LRP1B: variants seen among roughly 807,000 people sequenced by gnomAD.
LRP1B encodes LDL receptor related protein 1B.
Under a neutral mutation model 556.6 loss-of-function variants are expected in LRP1B, and 217 were observed. The observed-to-expected ratio is 0.39, with a 90% CI of 0.35 to 0.44. The LOEUF (loss-of-function observed/expected upper bound fraction) is 0.44. LRP1B is among the 20% of genes least tolerant of loss of function. LRP1B has a pLI of 1.00. For synonymous variants in LRP1B, 2,047 were observed against 1,865.8 expected, an observed-to-expected ratio of 1.10 and a Z score of -2.50; for missense variants, 5,053 against 5,620.8, an observed-to-expected ratio of 0.90 and a Z score of 3.23.
chr2:140,809,282 T>A (rs1172011809), intron 32 of LRP1B, among the ~76,000 whole-genome samples: 1 of 152,212 alleles, frequency 6.6e-6, no homozygotes, highest in Non-Finnish European at 1.5e-5. Flanking sequence ...TTGCTAATAA[T>A]TAAAAATTGT....
intron 1 of LRP1B, among the ~76,000 whole-genome samples, chr2:142,043,579 A>G (rs13395874): frequency 0.027 from 4,084 of 151,706 alleles, 77 homozygotes; most frequent in African/African-American, 0.053. Context: ...GGGAAAGTAT[A>G]TATCATCAGT....
intron 74 of LRP1B, 34 bp downstream of exon 74, chr2:140,357,945 T>C (rs1682309593): frequency 6.3e-7 from 1 of 1,592,442 alleles, no homozygotes. Flanking sequence ...GACTTGTGTA[T>C]CCCGGTGCTT....
intron 66 of LRP1B, among the ~76,000 whole-genome samples, chr2:140,400,456 T>C (rs559021358): frequency 6.6e-6 from 1 of 152,332 alleles, no homozygotes; most frequent in African/African-American, 2.4e-5. Context: ...CCTGGTTTAC[T>C]TCCCCACTCC....
chr2:140,900,291 C>G (rs560849020), intron 23 of LRP1B, among the ~76,000 whole-genome samples: 1 of 152,338 alleles, frequency 6.6e-6, no homozygotes, highest in Non-Finnish European at 1.5e-5. Context: ...CCAAAACAAA[C>G]ATCTGGAGCC....
At chr2:141,621,868 C>T (rs1039187101) in intron 2 of LRP1B, among the ~76,000 whole-genome samples, 2 of 151,936 alleles carry the variant, frequency 1.3e-5, no homozygotes, top group African/African-American at 2.4e-5. Context: ...TTATTCATTA[C>T]TATCTCTCTT....
At chr2:141,314,701 G>T (rs1398551723) in intron 3 of LRP1B, among the ~76,000 whole-genome samples, 1 of 146,964 alleles carries the variant, frequency 6.8e-6, no homozygotes, top group African/African-American at 2.5e-5. Flanking sequence ...TGAGGCAGGA[G>T]AATGGCGTGA....
chr2:140,479,251 T>G (rs1030890499), intron 59 of LRP1B, among the ~76,000 whole-genome samples: 4 of 152,138 alleles, frequency 2.6e-5, no homozygotes, highest in Admixed American at 2.0e-4. Context: ...AATAAGACTG[T>G]GCTAAACATA....
At chr2:141,798,705 C>CAAAA (rs151310050) in intron 2 of LRP1B, among the ~76,000 whole-genome samples, 31 of 62,084 alleles carry the variant, frequency 5.0e-4, no homozygotes, top group African/African-American at 1.3e-3. Context: ...GACTCTGTCT[C>CAAAA]AAAAAAAAAA....
At chr2:141,475,806 G>T (rs6725403) in intron 3 of LRP1B, among the ~76,000 whole-genome samples, 10 of 152,000 alleles carry the variant, frequency 6.6e-5, no homozygotes, top group Non-Finnish European at 5.9e-5. Context: ...CGAACTCCAA[G>T]GGAAGATCAT....
intron 2 of LRP1B, among the ~76,000 whole-genome samples, chr2:141,625,601 G>C (rs13007142): frequency 0.091 from 13,828 of 152,150 alleles, 717 homozygotes; most frequent in South Asian, 0.16. Context: ...CCCAGGCATA[G>C]TACGTGATCG....
chr2:141,179,918 T>G (rs1310608665), intron 7 of LRP1B, among the ~76,000 whole-genome samples: 1 of 142,014 alleles, frequency 7.0e-6, no homozygotes, highest in African/African-American at 2.7e-5. Flanking sequence ...TTTGGTTGAA[T>G]GCGATTATAT....
chr2:141,232,874 T>C (rs1260781630), intron 5 of LRP1B, among the ~76,000 whole-genome samples: 2 of 152,176 alleles, frequency 1.3e-5, no homozygotes, highest in African/African-American at 2.4e-5. Context: ...AGGAAGCCAC[T>C]GAAACACGAG....
chr2:141,459,086 T>A, intron 3 of LRP1B, among the ~76,000 whole-genome samples: 1 of 109,166 alleles, frequency 9.2e-6, no homozygotes. Context: ...AAAGTTAGAC[T>A]TAGAGAGCTG....
At chr2:141,159,910 C>A (rs1377974947) in intron 7 of LRP1B, among the ~76,000 whole-genome samples, 1 of 152,062 alleles carries the variant, frequency 6.6e-6, no homozygotes, top group Non-Finnish European at 1.5e-5. Context: ...CCAAACACTG[C>A]ATGTTCTCAC....
chr2:140,601,642 A>C lies in LRP1B; in HGVS notation c.6800-3T>G. 1.9e-6 allele frequency: 3 copies of C among 1,555,686 alleles called. No homozygotes were observed. The highest frequency in any genetic ancestry group is 2.6e-6 in the Non-Finnish European group (3 of 1,147,242). ...AAGTCCTTCCACAGAACCCACATCT[A>C]GTGGGGGAAGAAAAAGAAAAAATAT... On this transcript the variant is annotated splice_region_variant and splice_polypyrimidine_tract_variant and intron_variant, in intron 41 of 90. Transcript: ENST00000389484.
At chr2:140,377,192 C>G (rs1683272910) in intron 68 of LRP1B, among the ~76,000 whole-genome samples, 1 of 152,196 alleles carries the variant, frequency 6.6e-6, no homozygotes, top group African/African-American at 2.4e-5. Context: ...TCCCCTCCCT[C>G]AGCCTCCCAA....
chr2:141,497,382 A>G (rs186970975), intron 2 of LRP1B, among the ~76,000 whole-genome samples: 10 of 152,148 alleles, frequency 6.6e-5, no homozygotes, highest in Admixed American at 6.6e-4. Context: ...TCAATTTTTA[A>G]TTATGTTGTT....
intron 2 of LRP1B, among the ~76,000 whole-genome samples, chr2:141,686,962 C>T (rs959967041): frequency 6.6e-6 from 1 of 151,890 alleles, no homozygotes; most frequent in Non-Finnish European, 1.5e-5. Flanking sequence ...CCTAATGTGG[C>T]CCCTGAACAT....
At chr2:141,769,397 T>C (rs1694828031) in intron 2 of LRP1B, among the ~76,000 whole-genome samples, 1 of 152,184 alleles carries the variant, frequency 6.6e-6, no homozygotes, top group Non-Finnish European at 1.5e-5. Flanking sequence ...TAGCATATGT[T>C]TTCTCAGAGA....
Sources: gnomAD v4.1 joint callset for allele counts (sites outside exome capture counted in the v4.1 genomes callset) on GRCh38, gnomAD v4.1.1 for gene constraint, MANE v1.5 for transcripts, NCBI Gene and HGNC (gene_info 2026-07-23, HGNC 2026-07-21) for gene names.